UBE2H: variants seen among roughly 807,000 people sequenced by gnomAD.
UBE2H encodes ubiquitin-conjugating enzyme E2 H.
In UBE2H, 3 loss-of-function variants were observed where a neutral mutation model predicts 29.0. The ratio of observed to expected loss-of-function variants is 0.10; its 90% CI spans 0.05 to 0.27. The LOEUF is 0.27. Among genes scored for constraint, UBE2H ranks in the 10% least tolerant of loss-of-function variants. The pLI, the probability that UBE2H is intolerant of heterozygous loss-of-function variation, is 1.00. For synonymous variants in UBE2H, 69 were observed against 82.9 expected (o/e 0.83, Z 0.91); for missense variants, 68 against 228.2 (o/e 0.30, Z 4.52).
chr7:129,846,083 A>G (rs868021821), intron 5 of UBE2H, among the ~76,000 whole-genome samples: 5 of 152,332 alleles, frequency 3.3e-5, no homozygotes, highest in Middle Eastern at 6.8e-3. Flanking sequence ...GTGACTCACA[A>G]TGAAATGGTG....
chr7:129,864,518 T>C (rs905460016), intron 3 of UBE2H, among the ~76,000 whole-genome samples: 1 of 151,970 alleles, frequency 6.6e-6, no homozygotes, highest in Non-Finnish European at 1.5e-5. Context: ...TGATTTAAGA[T>C]TTTATTCACT....
At chr7:129,882,044 T>C (rs1806266888) in intron 1 of UBE2H, among the ~76,000 whole-genome samples, 1 of 152,234 alleles carries the variant, frequency 6.6e-6, no homozygotes, top group Non-Finnish European at 1.5e-5. Context: ...AGGTTTGGTA[T>C]GCTCCAGGGC....
chr7:129,894,988 C>T (rs1293975707), intron 1 of UBE2H, among the ~76,000 whole-genome samples: 2 of 152,152 alleles, frequency 1.3e-5, no homozygotes, highest in Admixed American at 6.5e-5. Context: ...AACAAGTCCA[C>T]AATGAAATTC....
At chr7:129,851,972 AC>A (rs1392924013) in intron 5 of UBE2H, among the ~76,000 whole-genome samples, 1 of 152,184 alleles carries the variant, frequency 6.6e-6, no homozygotes, top group East Asian at 1.9e-4. Flanking sequence ...TCCCAATAGT[AC>A]TGGACAGAAT....
intron 1 of UBE2H, among the ~76,000 whole-genome samples, chr7:129,931,667 T>G (rs1807403157): frequency 6.6e-6 from 1 of 152,166 alleles, no homozygotes; most frequent in African/African-American, 2.4e-5. Context: ...TGAATGTAAT[T>G]GGAAAAGAGT....
At chr7:129,945,709 T>C (rs1306774580) in intron 1 of UBE2H, among the ~76,000 whole-genome samples, 3 of 151,910 alleles carry the variant, frequency 2.0e-5, no homozygotes, top group African/African-American at 7.3e-5. Flanking sequence ...ATTAAATCAA[T>C]GGCACAGCCA....
chr7:129,929,337 A>G (rs1409749749), intron 1 of UBE2H, among the ~76,000 whole-genome samples: 1 of 151,606 alleles, frequency 6.6e-6, no homozygotes, highest in East Asian at 1.9e-4. Flanking sequence ...AAAAAAAAGA[A>G]GAGTAACATT....
At chr7:129,894,537 G>A (rs1374779725) in intron 1 of UBE2H, among the ~76,000 whole-genome samples, 1 of 149,216 alleles carries the variant, frequency 6.7e-6, no homozygotes, top group African/African-American at 2.5e-5. Flanking sequence ...GCCCAAGCTG[G>A]AGTGCAATGG....
chr7:129,906,891 T>TACC (rs1806829168), intron 1 of UBE2H, among the ~76,000 whole-genome samples: 2 of 152,334 alleles, frequency 1.3e-5, no homozygotes, highest in African/African-American at 4.8e-5. Context: ...TGAAGCTAAC[T>TACC]ACCTTTGGAT....
At chr7:129,878,858 CAA>C (rs11405982) in intron 3 of UBE2H, among the ~76,000 whole-genome samples, 2 of 144,726 alleles carry the variant, frequency 1.4e-5, no homozygotes. Context: ...TAAAGTGAAG[CAA>C]AAAAAAAAAA....
intron 3 of UBE2H, among the ~76,000 whole-genome samples, chr7:129,877,502 C>T (rs1188294045): frequency 1.3e-5 from 2 of 152,240 alleles, no homozygotes; most frequent in African/African-American, 4.8e-5. Context: ...CTGATTGAAA[C>T]TCTCTTATGC....
At chr7:129,911,935 A>C (rs1806946005) in intron 1 of UBE2H, among the ~76,000 whole-genome samples, 1 of 152,044 alleles carries the variant, frequency 6.6e-6, no homozygotes, top group Admixed American at 6.6e-5. Context: ...GAGCCACCAT[A>C]CCGGGTCTAT....
At chr7:129,864,828 A>T (rs1196132442) in intron 3 of UBE2H, among the ~76,000 whole-genome samples, 8 of 152,100 alleles carry the variant, frequency 5.3e-5, no homozygotes, top group Non-Finnish European at 1.2e-4. Flanking sequence ...CTGGGATTAC[A>T]GGAGTGAGCC....
chr7:129,904,061 G>A (rs976887788), intron 1 of UBE2H, among the ~76,000 whole-genome samples: 1 of 152,170 alleles, frequency 6.6e-6, no homozygotes, highest in African/African-American at 2.4e-5. Flanking sequence ...TGTATCGACA[G>A]CTGTCTAATT....
chr7:129,945,228 G>C (rs1043914353), intron 1 of UBE2H, among the ~76,000 whole-genome samples: 1 of 152,196 alleles, frequency 6.6e-6, no homozygotes, highest in Non-Finnish European at 1.5e-5. Flanking sequence ...CTTATCAAAA[G>C]TATCACTTTA....
chr7:129,901,457 C>T (rs964864899), intron 1 of UBE2H, among the ~76,000 whole-genome samples: 2 of 152,084 alleles, frequency 1.3e-5, no homozygotes, highest in African/African-American at 4.8e-5. Context: ...TCGGTGGGGG[C>T]TAATGCACAG....
At chr7:129,897,811 T>C (rs1324209980) in intron 1 of UBE2H, among the ~76,000 whole-genome samples, 2 of 152,186 alleles carry the variant, frequency 1.3e-5, no homozygotes, top group South Asian at 2.1e-4. Context: ...AATCAAAAAG[T>C]AATCTAAAGA....
chr7:129,857,259 ATG>A (rs1805723239), intron 5 of UBE2H: 2 of 506,762 alleles, frequency 3.9e-6, no homozygotes, highest in Non-Finnish European at 7.0e-6. Context: ...GCATGTACTC[ATG>A]TGTGTGCACA....
intron 5 of UBE2H, among the ~76,000 whole-genome samples, chr7:129,843,619 G>C (rs1805464692): frequency 1.3e-5 from 2 of 152,136 alleles, no homozygotes; most frequent in African/African-American, 4.8e-5. Context: ...CTAAATCCAT[G>C]GATCAGAGAT....
Sources: gnomAD v4.1 joint callset for allele counts (sites outside exome capture counted in the v4.1 genomes callset) on GRCh38, gnomAD v4.1.1 for gene constraint, MANE v1.5 for transcripts, NCBI Gene and HGNC (gene_info 2026-07-23, HGNC 2026-07-21) for gene names.